LNPK: variants seen among roughly 807,000 people sequenced by gnomAD.
LNPK encodes lunapark, ER junction formation factor, also known as endoplasmic reticulum junction formation protein lunapark.
Under a neutral mutation model 55.2 loss-of-function variants are expected in LNPK, and 29 were observed. The observed-to-expected ratio is 0.53, with a 90% CI of 0.39 to 0.72. LNPK has a LOEUF of 0.72. Among genes scored for constraint, LNPK ranks in the 30% least tolerant of loss-of-function variants. The pLI is 0.00. For missense variants in LNPK, 467 were observed against 494.8 expected (o/e 0.94, Z 0.53); for synonymous variants, 162 against 168.2 (o/e 0.96, Z 0.29).
At chr2:175,981,166 C>G (rs995950346) in intron 4 of LNPK, among the ~76,000 whole-genome samples, 9 of 152,190 alleles carry the variant, frequency 5.9e-5, no homozygotes, top group African/African-American at 2.2e-4. Context: ...GTGCCACCAA[C>G]AGCATGGCAG....
chr2:175,999,421 G>T (rs953985186), intron 1 of LNPK, among the ~76,000 whole-genome samples: 2 of 152,114 alleles, frequency 1.3e-5, no homozygotes, highest in Non-Finnish European at 2.9e-5. Context: ...CTTAAATGTT[G>T]AAAGACTTAA....
intron 4 of LNPK, among the ~76,000 whole-genome samples, chr2:175,985,469 T>G (rs1393551377): frequency 2.0e-5 from 3 of 152,236 alleles, no homozygotes; most frequent in African/African-American, 7.2e-5. Context: ...TTGCTTTTGG[T>G]TTTTATAATT....
intron 12 of LNPK, among the ~76,000 whole-genome samples, chr2:175,934,339 G>C (rs112441384): frequency 4.6e-5 from 7 of 152,170 alleles, no homozygotes; most frequent in African/African-American, 1.7e-4. Context: ...TTGCATAAAA[G>C]AAAGAGAAGG....
At chr2:175,995,721 T>TA (rs763410873) in intron 1 of LNPK, 75 bp from the exon 2 acceptor site, 19 of 398,882 alleles carry the variant, frequency 4.8e-5, no homozygotes, top group Non-Finnish European at 7.9e-5. Flanking sequence ...CAATACTGCC[T>TA]AAAAAATGTT....
At chr2:175,971,118 T>G (rs552181590) in intron 5 of LNPK, among the ~76,000 whole-genome samples, 1 of 152,246 alleles carries the variant, frequency 6.6e-6, no homozygotes, top group Admixed American at 6.5e-5. Flanking sequence ...CTTTTTCCTT[T>G]CAACACCTCA....
intron 12 of LNPK, among the ~76,000 whole-genome samples, chr2:175,935,400 C>T (rs1195006083): frequency 6.6e-6 from 1 of 152,010 alleles, no homozygotes; most frequent in Non-Finnish European, 1.5e-5. Flanking sequence ...ACTCATAAGC[C>T]ACCGGGGTTC....
chr2:176,001,750 G>C (rs1688168049), intron 1 of LNPK, among the ~76,000 whole-genome samples: 1 of 152,188 alleles, frequency 6.6e-6, no homozygotes, highest in South Asian at 2.1e-4. Flanking sequence ...ACAGCTGAGC[G>C]TAGGAAATGC....
At chr2:175,990,855 T>C in intron 4 of LNPK, among the ~76,000 whole-genome samples, 1 of 152,092 alleles carries the variant, frequency 6.6e-6, no homozygotes, top group Non-Finnish European at 1.5e-5. Flanking sequence ...CAAGCCAAGA[T>C]ATACTAGATG....
chr2:175,997,277 A>G (rs571287005), intron 1 of LNPK, among the ~76,000 whole-genome samples: 116 of 152,298 alleles, frequency 7.6e-4, no homozygotes, highest in African/African-American at 2.7e-3. Flanking sequence ...ATTATTAATC[A>G]TTTAGTATTT....
At chr2:175,970,505 G>C (rs977577280) in intron 6 of LNPK, among the ~76,000 whole-genome samples, 1 of 150,530 alleles carries the variant, frequency 6.6e-6, no homozygotes, top group African/African-American at 2.5e-5. Context: ...CCTCATTTAG[G>C]CCTCCAATAT....
chr2:176,001,899 G>A (rs1249457745), intron 1 of LNPK, among the ~76,000 whole-genome samples: 1 of 152,190 alleles, frequency 6.6e-6, no homozygotes, highest in Non-Finnish European at 1.5e-5. Flanking sequence ...AGCCCTAGAG[G>A]GGAAACAAGG....
Position 175,986,612 on chromosome 2 carries a change from G to T in LNPK, c.257+5619C>A, listed in dbSNP as rs1028502126. On this transcript the variant is annotated intron_variant, in intron 4 of 12. Coordinates refer to ENST00000272748, the MANE Select transcript of LNPK (RefSeq NM_030650.3). ...TAAAATGATCACAAAACTGAAAGCA[G>T]AAATTTTTCCTGGAATTCAAGAATG... 2.0e-5 allele frequency among the ~76,000 whole-genome samples: 3 copies of T among 152,008 alleles called. No individual in the cohort carries two copies. The South Asian group carries it at 6.2e-4, about 31-fold the overall frequency.
rs1052812404 is a variant in LNPK at position 175,927,123 on chromosome 2, C to T, written c.*2844G>A. The T allele has an allele frequency of 1.3e-5, 2 of 151,780 alleles. No individual in the cohort carries two copies. The highest frequency in any genetic ancestry group is 6.6e-5 in the Admixed American group (1 of 15,246). 9.4% of individuals were successfully genotyped at this position (151,780 alleles called of 1,614,324 possible). On this transcript the variant is annotated 3_prime_UTR_variant, in exon 13 of 13. Coordinates refer to ENST00000272748, the MANE Select transcript of LNPK (RefSeq NM_030650.3). Reference sequence around the variant, plus strand: ...CTTACAGGACGTTGAGAGCAAGAGGCCAGAGAAATAAGAGAATAATAGTGT... The same window carrying T: ...CTTACAGGACGTTGAGAGCAAGAGGTCAGAGAAATAAGAGAATAATAGTGT...
chr2:175,955,911 G>A (rs1340963457), intron 8 of LNPK, among the ~76,000 whole-genome samples: 6 of 152,140 alleles, frequency 3.9e-5, no homozygotes, highest in Admixed American at 6.5e-5. Flanking sequence ...ATTAGTAAAG[G>A]TGCAGGGCTG....
chr2:176,002,682 G>A, upstream of LNPK: 1 of 158,144 alleles, frequency 6.3e-6, no homozygotes, highest in South Asian at 1.6e-4. Flanking sequence ...AAGGGAGTCC[G>A]TCCTGAGGAG....
At chr2:175,973,705 G>A (rs543173113) in intron 5 of LNPK, among the ~76,000 whole-genome samples, 24 of 152,256 alleles carry the variant, frequency 1.6e-4, no homozygotes, top group East Asian at 7.7e-4. Context: ...CAAGCTCAGC[G>A]TGGACAACTC....
intron 12 of LNPK, among the ~76,000 whole-genome samples, chr2:175,932,738 ATTAT>A (rs1011711770): frequency 2.0e-5 from 3 of 152,202 alleles, no homozygotes; most frequent in African/African-American, 4.8e-5. Context: ...GCTTTATAAG[ATTAT>A]TTAATGTGTT....
At chr2:175,970,905 T>C (rs1462111973) in intron 5 of LNPK, 101 bp from the exon 6 acceptor site, 14 of 1,090,700 alleles carry the variant, frequency 1.3e-5, no homozygotes, top group Non-Finnish European at 1.6e-5. Flanking sequence ...TTTCTTATTT[T>C]AGGATTTTTC....
chr2:175,944,091 C>T (rs1684998584), intron 9 of LNPK, among the ~76,000 whole-genome samples: 1 of 151,980 alleles, frequency 6.6e-6, no homozygotes, highest in Non-Finnish European at 1.5e-5. Flanking sequence ...TTATAGGATA[C>T]AAGAGCAATA....
Sources: allele counts gnomAD v4.1 joint callset (sites outside exome capture counted in the v4.1 genomes callset), GRCh38; gene constraint gnomAD v4.1.1; transcripts MANE v1.5; gene names NCBI Gene and HGNC (gene_info 2026-07-23, HGNC 2026-07-21).